The following MACROD2 variants were observed in gnomAD, a reference collection of about 807,000 sequenced individuals.
MACROD2 encodes ADP-ribose glycohydrolase MACROD2.
A neutral mutation model predicts 70.4 loss-of-function variants in MACROD2; 36 were observed. The ratio of observed to expected loss-of-function variants is 0.51; its 90% CI spans 0.39 to 0.68. The LOEUF is 0.68. Ranked by LOEUF, MACROD2 falls within the 30% of genes least tolerant of loss-of-function variation. MACROD2 has a pLI of 0.00. For missense variants in MACROD2, 496 were observed against 538.4 expected (o/e 0.92, Z 0.78); for synonymous variants, 172 against 178.8 (o/e 0.96, Z 0.30).
intron 1 of MACROD2, among the ~76,000 whole-genome samples, chr20:14,001,665 A>G (rs1047455448): frequency 6.6e-6 from 1 of 152,160 alleles, no homozygotes; most frequent in South Asian, 2.1e-4. Flanking sequence ...TAGCATTGGC[A>G]TCTGTTAGGT....
chr20:15,375,968 A>G (rs532953908), intron 6 of MACROD2, among the ~76,000 whole-genome samples: 5 of 152,220 alleles, frequency 3.3e-5, no homozygotes, highest in African/African-American at 4.8e-5. Context: ...ATGCATCGAC[A>G]TATGTTCATC....
chr20:15,945,447 C>A (rs1175800248), intron 12 of MACROD2, among the ~76,000 whole-genome samples: 1 of 152,148 alleles, frequency 6.6e-6, no homozygotes, highest in Non-Finnish European at 1.5e-5. Flanking sequence ...TTTTTCCACT[C>A]TATTGCCACA....
intron 3 of MACROD2, among the ~76,000 whole-genome samples, chr20:14,279,460 ATAAT>A (rs2082286839): frequency 6.6e-6 from 1 of 151,944 alleles, no homozygotes; most frequent in Non-Finnish European, 1.5e-5. Flanking sequence ...TTTTCTTGTG[ATAAT>A]AGTCATAACA....
intron 6 of MACROD2, among the ~76,000 whole-genome samples, chr20:15,404,908 A>G (rs934036713): frequency 1.2e-4 from 18 of 152,202 alleles, no homozygotes; most frequent in African/African-American, 4.3e-4. Flanking sequence ...CTAAATATCT[A>G]TCAGCAAAAT....
chr20:15,721,848 G>GA (rs1753865986), intron 8 of MACROD2, among the ~76,000 whole-genome samples: 1 of 151,996 alleles, frequency 6.6e-6, no homozygotes, highest in Non-Finnish European at 1.5e-5. Flanking sequence ...ACAATAATTA[G>GA]CAAAACAGGA....
At position 15,746,380 on chromosome 20, in the gene MACROD2, A is replaced by G. The variant is rs557322431; in HGVS notation, c.646-116365A>G. 1.1e-4 allele frequency among the ~76,000 whole-genome samples: 17 copies of G among 151,930 alleles called. No homozygotes were observed. The South Asian group carries it at 3.5e-3, about 32-fold the overall frequency. On this transcript the variant is annotated intron_variant, in intron 8 of 17. Transcript: ENST00000684519. ...ATAGCCTTGGTAAACTTTCTTATCA[A>G]TTTGATAAGTTTTTCTGTACATTAT...
At chr20:14,196,530 T>G (rs2081434231) in intron 3 of MACROD2, among the ~76,000 whole-genome samples, 1 of 152,242 alleles carries the variant, frequency 6.6e-6, no homozygotes, top group South Asian at 2.1e-4. Flanking sequence ...TCTGGAATGT[T>G]CTAAAAATAG....
intron 5 of MACROD2, among the ~76,000 whole-genome samples, chr20:15,171,469 A>C (rs2076421860): frequency 6.9e-6 from 1 of 143,894 alleles, no homozygotes. Context: ...TCTCCTTATC[A>C]CCCCCTGACC....
In MACROD2 at chr20:15,099,901, CAT is replaced by C. The variant is rs1288173251; in HGVS notation, c.419-130038_419-130037del. On this transcript the variant is annotated intron_variant, in intron 5 of 17. Coordinates refer to ENST00000684519, the MANE Select transcript of MACROD2 (RefSeq NM_001351661.2). ...TGAGGTCTCAGATGGAAATGAGAAA[CAT>C]GTTGTTGGAAACTGGAGGAGGGATG... Among the ~76,000 whole-genome samples the C allele has an allele frequency of 2.7e-5, 4 of 149,058 alleles. No homozygotes were observed. In the East Asian group the frequency reaches 7.9e-4, roughly 30 times the overall value.
intron 3 of MACROD2, among the ~76,000 whole-genome samples, chr20:14,439,708 AGTTGTGAG>A (rs2122953822): frequency 6.6e-6 from 1 of 152,290 alleles, no homozygotes; most frequent in African/African-American, 2.4e-5. Flanking sequence ...ATTTACTAAC[AGTTGTGAG>A]GATTGAATGA....
intron 5 of MACROD2, among the ~76,000 whole-genome samples, chr20:14,734,610 T>C (rs1336155687): frequency 6.6e-6 from 1 of 150,924 alleles, no homozygotes; most frequent in Non-Finnish European, 1.5e-5. Context: ...TATGTCTTCA[T>C]CCAAAAAACA....
intron 3 of MACROD2, among the ~76,000 whole-genome samples, chr20:14,258,026 G>A (rs571877716): frequency 3.9e-5 from 6 of 152,180 alleles, no homozygotes; most frequent in Admixed American, 3.9e-4. Flanking sequence ...TAGAATAATG[G>A]TCTCCAATTC....
At chr20:14,842,378 A>C (rs1014104910) in intron 5 of MACROD2, among the ~76,000 whole-genome samples, 1 of 152,030 alleles carries the variant, frequency 6.6e-6, no homozygotes, top group Non-Finnish European at 1.5e-5. Context: ...CTTTTTTCTG[A>C]AGTCTCCCCA....
intron 5 of MACROD2, among the ~76,000 whole-genome samples, chr20:14,722,137 C>A (rs1008884970): frequency 6.6e-6 from 1 of 152,176 alleles, no homozygotes; most frequent in Non-Finnish European, 1.5e-5. Context: ...ATAAGACTCT[C>A]ATTTTTTGAT....
chr20:14,851,736 G>A (rs1036222329), intron 5 of MACROD2, among the ~76,000 whole-genome samples: 1 of 152,084 alleles, frequency 6.6e-6, no homozygotes, highest in African/African-American at 2.4e-5. Context: ...ATAAAAAATT[G>A]TACTCTTCAT....
intron 6 of MACROD2, among the ~76,000 whole-genome samples, chr20:15,250,522 A>T (rs550511014): frequency 6.6e-6 from 1 of 152,262 alleles, no homozygotes; most frequent in Non-Finnish European, 1.5e-5. Context: ...AGGTGAACAT[A>T]TAAGTCAAAG....
chr20:15,989,849 A>G (rs2066534606), intron 15 of MACROD2, among the ~76,000 whole-genome samples: 1 of 140,292 alleles, frequency 7.1e-6, no homozygotes, highest in Non-Finnish European at 1.5e-5. Context: ...AAAAATCCAG[A>G]CCAGGAAAAA....
intron 7 of MACROD2, among the ~76,000 whole-genome samples, chr20:15,452,381 A>T (rs1280237285): frequency 6.6e-6 from 1 of 152,162 alleles, no homozygotes; most frequent in Admixed American, 6.6e-5. Flanking sequence ...ATAATACTGA[A>T]AGGTGACCCA....
At chr20:15,250,398 G>A (rs932670415) in intron 6 of MACROD2, among the ~76,000 whole-genome samples, 7 of 152,122 alleles carry the variant, frequency 4.6e-5, no homozygotes, top group Non-Finnish European at 7.3e-5. Context: ...AACTCCATGG[G>A]CACAGACGTT....
Sources: allele counts gnomAD v4.1 joint callset (sites outside exome capture counted in the v4.1 genomes callset), GRCh38; gene constraint gnomAD v4.1.1; transcripts MANE v1.5; gene names NCBI Gene and HGNC (gene_info 2026-07-23, HGNC 2026-07-21).